RASGRF2: variants seen among roughly 807,000 people sequenced by gnomAD.
RASGRF2 encodes the protein ras-specific guanine nucleotide-releasing factor 2.
In RASGRF2, 76 loss-of-function variants were observed where a neutral mutation model predicts 151.0. That is an observed-to-expected ratio of 0.50 (90% CI 0.42 to 0.61). RASGRF2 has a LOEUF of 0.61. RASGRF2 is among the 20% of genes least tolerant of loss of function. The pLI, the probability that RASGRF2 is intolerant of heterozygous loss-of-function variation, is 0.00. For synonymous variants in RASGRF2, 504 were observed against 566.5 expected (o/e 0.89, Z 1.57); for missense variants, 1,148 against 1,564.6 (o/e 0.73, Z 4.49).
At chr5:81,138,606 C>A (rs1753811593) in intron 17 of RASGRF2, among the ~76,000 whole-genome samples, 1 of 152,074 alleles carries the variant, frequency 6.6e-6, no homozygotes, top group South Asian at 2.1e-4. Flanking sequence ...ATGTGGCCGC[C>A]CTCCTAAGAA....
intron 26 of RASGRF2, 30 bp downstream of exon 26, chr5:81,219,808 TAAAG>T: frequency 6.6e-7 from 1 of 1,513,390 alleles, no homozygotes; most frequent in Non-Finnish European, 9.0e-7. Context: ...AAGAAATTAA[TAAAG>T]AAAAAAGGGG....
intron 1 of RASGRF2, among the ~76,000 whole-genome samples, chr5:81,010,000 G>T (rs1749403889): frequency 6.6e-6 from 1 of 151,920 alleles, no homozygotes; most frequent in African/African-American, 2.4e-5. Flanking sequence ...CTATGAAAAT[G>T]CAAAAATTAG....
chr5:81,102,349 T>G (rs1457582930), intron 12 of RASGRF2, among the ~76,000 whole-genome samples: 3 of 152,188 alleles, frequency 2.0e-5, no homozygotes, highest in African/African-American at 7.2e-5. Context: ...AGGAAAGAAA[T>G]AAAGAAGTTT....
intron 17 of RASGRF2, among the ~76,000 whole-genome samples, chr5:81,132,915 G>T (rs527570060): frequency 5.9e-5 from 9 of 152,282 alleles, no homozygotes; most frequent in Non-Finnish European, 1.0e-4. Flanking sequence ...TTTGGAAGAG[G>T]CCCATACAAA....
rs1437080884 is a variant in RASGRF2 at position 81,180,168 on chromosome 5, T to C, written c.2687-7T>C. ...TGCAACACGTGTGTGTTTCTTTTTCTCCTAAGGCTTTAACAACACCGAGAG... is the reference window on the plus strand; with the variant it reads ...TGCAACACGTGTGTGTTTCTTTTTCCCCTAAGGCTTTAACAACACCGAGAG... On this transcript the variant is annotated splice_polypyrimidine_tract_variant and splice_region_variant and intron_variant, in intron 17 of 26. Coordinates refer to ENST00000265080, the MANE Select transcript of RASGRF2 (RefSeq NM_006909.3). 1.9e-6 allele frequency: 3 copies of C among 1,558,080 alleles called. No individual in the cohort carries two copies. The highest frequency in any genetic ancestry group is 2.2e-5 in the East Asian group (1 of 44,554).
At chr5:81,219,586 C>T in intron 25 of RASGRF2, 124 bp from the exon 26 acceptor site, 1 of 697,022 alleles carries the variant, frequency 1.4e-6, no homozygotes, top group Non-Finnish European at 2.4e-6. Context: ...CAGGCTCCAC[C>T]CGCCTCACTG....
chr5:81,035,776 T>C (rs1750468405), intron 1 of RASGRF2, among the ~76,000 whole-genome samples: 1 of 152,166 alleles, frequency 6.6e-6, no homozygotes, highest in South Asian at 2.1e-4. Context: ...TGTTAAGGCA[T>C]ACAGACAGTG....
intron 25 of RASGRF2, 92 bp from the exon 26 acceptor site, chr5:81,219,617 TG>T: frequency 9.5e-7 from 1 of 1,054,470 alleles, no homozygotes; most frequent in Middle Eastern, 2.0e-4. Flanking sequence ...CTGACCCTTC[TG>T]GGAAGAGGCC....
chr5:81,118,807 GT>G (rs1165275940), intron 15 of RASGRF2, among the ~76,000 whole-genome samples: 1 of 151,902 alleles, frequency 6.6e-6, no homozygotes, highest in East Asian at 1.9e-4. Flanking sequence ...CTTCCACCAG[GT>G]ATCCTAGTTC....
chr5:81,065,931 G>A (rs1250521762), intron 2 of RASGRF2, among the ~76,000 whole-genome samples: 4 of 152,134 alleles, frequency 2.6e-5, no homozygotes, highest in East Asian at 3.9e-4. Flanking sequence ...CCTTGGAAGC[G>A]CAGGGAGGGG....
chr5:80,996,638 C>T (rs1037157989), intron 1 of RASGRF2, among the ~76,000 whole-genome samples: 4 of 141,970 alleles, frequency 2.8e-5, no homozygotes, highest in Admixed American at 7.2e-5. Flanking sequence ...TTTGTCCTGT[C>T]GCCCAGGCTG....
At chr5:80,975,853 C>CT (rs71893376) in intron 1 of RASGRF2, among the ~76,000 whole-genome samples, 2,742 of 133,714 alleles carry the variant, frequency 0.021, 102 homozygotes, top group African/African-American at 0.067. Context: ...AAGCAATCAT[C>CT]TTTTTTTTTT....
Position 81,073,119 on chromosome 5 carries a change from T to C in RASGRF2, c.634-80T>C. The C allele has an allele frequency of 2.7e-6, 4 of 1,474,160 alleles. 1 individual carries two copies. In the South Asian group the frequency reaches 5.4e-5, roughly 20 times the overall value. The allele number at this position is 1,474,160 out of a possible 1,614,324, so 91.3% of individuals were successfully genotyped here. ...TCATGTTTTCTGCAAAATTGATTTT[T>C]AATTATATTTCATGTTCTTTTCCAT... On this transcript the variant is annotated intron_variant, in intron 4 of 26. Coordinates refer to ENST00000265080, the MANE Select transcript of RASGRF2 (RefSeq NM_006909.3).
chr5:81,122,370 C>T (rs1037711509), intron 15 of RASGRF2, among the ~76,000 whole-genome samples: 8 of 151,492 alleles, frequency 5.3e-5, no homozygotes, highest in African/African-American at 7.3e-5. Context: ...ATAATAAAAC[C>T]GACAGCTAAG....
chr5:80,996,047 C>G (rs937932049), intron 1 of RASGRF2, among the ~76,000 whole-genome samples: 16 of 151,956 alleles, frequency 1.1e-4, no homozygotes, highest in South Asian at 2.1e-4. Flanking sequence ...TTGCATTACC[C>G]CCTCCACTCT....
chr5:81,206,584 G>A (rs1266364549), intron 19 of RASGRF2, among the ~76,000 whole-genome samples: 1 of 152,216 alleles, frequency 6.6e-6, no homozygotes, highest in East Asian at 1.9e-4. Flanking sequence ...CACTGTGACG[G>A]TGGTTGTTTC....
chr5:81,119,601 C>G (rs541871336), intron 15 of RASGRF2, among the ~76,000 whole-genome samples: 1 of 152,312 alleles, frequency 6.6e-6, no homozygotes, highest in South Asian at 2.1e-4. Context: ...AGGACACTGA[C>G]ACAGGCTTCG....
intron 1 of RASGRF2, among the ~76,000 whole-genome samples, chr5:81,015,774 A>G (rs916407409): frequency 3.9e-5 from 6 of 152,210 alleles, no homozygotes; most frequent in Non-Finnish European, 8.8e-5. Flanking sequence ...GTGTTGGTCA[A>G]TGAATTTGTG....
intron 1 of RASGRF2, among the ~76,000 whole-genome samples, chr5:80,975,373 C>T (rs1202862742): frequency 2.6e-5 from 4 of 151,442 alleles, no homozygotes; most frequent in Admixed American, 1.3e-4. Flanking sequence ...GTGCGTGTGT[C>T]GTTGAGGGGT....
Sources: gnomAD v4.1 joint callset for allele counts (sites outside exome capture counted in the v4.1 genomes callset) on GRCh38, gnomAD v4.1.1 for gene constraint, MANE v1.5 for transcripts, NCBI Gene and HGNC (gene_info 2026-07-23, HGNC 2026-07-21) for gene names.